Variants in TREM1 observed in about 807,000 individuals in gnomAD.
TREM1 encodes triggering receptor expressed on myeloid cells 1, also known as triggering receptor expressed on monocytes 1.
A neutral mutation model predicts 22.4 loss-of-function variants in TREM1; 16 were observed. The ratio of observed to expected loss-of-function variants is 0.71; its 90% CI spans 0.48 to 1.08. The LOEUF (loss-of-function observed/expected upper bound fraction) is 1.08. TREM1 is among the 50% of genes least tolerant of loss of function. TREM1 has a pLI of 0.00. For synonymous variants in TREM1, 110 were observed against 111.6 expected (o/e 0.99, Z 0.09); for missense variants, 283 against 282.9 (o/e 1.00, Z 0.00).
downstream of TREM1, among the ~76,000 whole-genome samples, chr6:41,272,523 G>GACAT (rs1767512870): frequency 6.6e-6 from 1 of 152,164 alleles, no homozygotes; most frequent in African/African-American, 2.4e-5. Flanking sequence ...AAGTGTGGCA[G>GACAT]ACATACACAC....
At position 41,274,488 on chromosome 6, in the gene TREM1, C is replaced by A. The variant is rs1009966012; in HGVS notation, c.*1637G>T. Reference sequence around the variant, plus strand: ...AAGTGTGGGGTTCCAGACCAGCAAGCTCAGCATTATTATAAACACTGCATC... The same window carrying A: ...AAGTGTGGGGTTCCAGACCAGCAAGATCAGCATTATTATAAACACTGCATC... On this transcript the variant is annotated 3_prime_UTR_variant, in exon 4 of 4. Coordinates refer to ENST00000244709, the MANE Select transcript of TREM1 (RefSeq NM_018643.5). Among the ~76,000 whole-genome samples, 1 of 152,170 alleles carries A rather than the reference C, an allele frequency of 6.6e-6. No homozygotes were observed. Among genetic ancestry groups the A allele is most frequent in the Non-Finnish European group, 1.5e-5 (1 of 68,032 alleles).
rs200169334 is a variant in TREM1, at chr6:41,282,527, C to G, written c.274G>C (p.Asp92His). The G allele has an allele frequency of 1.2e-4, 199 of 1,614,048 alleles. No individual in the cohort carries two copies. Among genetic ancestry groups the G allele is most frequent in the Non-Finnish European group, 1.6e-4 (192 of 1,180,046 alleles). Residue 92 changes from aspartate to histidine, a missense_variant, in exon 2 of 4, where the codon GAT becomes CAT. Coordinates refer to ENST00000244709, the MANE Select transcript of TREM1 (RefSeq NM_018643.5). The part of the protein sequence containing the change: ...VGRIILEDYH[D>H]HGLLRVRMVN... Reference sequence around the variant, plus strand: ...ATTCGGACGCGCAGTAAACCATGATCATGGTAGTCTTCTAGTATGATCCTC... The same window carrying G: ...ATTCGGACGCGCAGTAAACCATGATGATGGTAGTCTTCTAGTATGATCCTC...
chr6:41,276,392 C>T (rs551872082), intron 3 of TREM1, among the ~76,000 whole-genome samples, 162 bp from the exon 4 acceptor site: 1 of 152,252 alleles, frequency 6.6e-6, no homozygotes, highest in Admixed American at 6.5e-5. Context: ...GTCTCATTGC[C>T]AAAAACTACT....
Position 41,281,278 on chromosome 6 carries a change from C to T in TREM1, c.407-125G>A, listed in dbSNP as rs138440638. ...TGAGTTGATGGACGGGTAGGTGGTACGGTAAATGAAGCTGAGGAGGGAAAT... is the reference window on the plus strand; with the variant it reads ...TGAGTTGATGGACGGGTAGGTGGTATGGTAAATGAAGCTGAGGAGGGAAAT... On this transcript the variant is annotated intron_variant, in intron 2 of 3. Coordinates refer to ENST00000244709, the MANE Select transcript of TREM1 (RefSeq NM_018643.5). The T allele has an allele frequency of 1.2e-3, 1,396 of 1,134,560 alleles. 8 individuals carry two copies. The African/African-American group carries it at 0.016, about 13-fold the overall frequency. 70.3% of individuals were successfully genotyped at this position (1,134,560 alleles called of 1,614,324 possible). A position where few individuals can be genotyped will look rare whatever the true frequency, so the allele number is the denominator to read the frequency against.
chr6:41,281,079 C>A lies in TREM1; in HGVS notation c.481G>T (p.Ala161Ser). Residue 161 changes from alanine (A) to serine (S), a missense_variant, in exon 3 of 4, where the codon GCC (alanine) becomes TCC (serine). Physicochemically the swap from Ala to Ser is moderately conservative, Grantham distance 99 (BLOSUM62 1). Coordinates refer to ENST00000244709, the MANE Select transcript of TREM1 (RefSeq NM_018643.5). ...GGGCTGGTATAGAGTGGGCACAAGG[C>A]CTTAGTGGTGGTAGGAGGAATCTTA... Reference protein sequence around the residue: ...VYKIPPTTTKALCPLYTSPRT... With the variant: ...VYKIPPTTTKSLCPLYTSPRT... The A allele has an allele frequency of 6.2e-7, 1 of 1,614,164 alleles. No homozygotes were observed. Among genetic ancestry groups the A allele is most frequent in the Non-Finnish European group, 8.5e-7 (1 of 1,180,038 alleles).
In TREM1 at chr6:41,274,989, C is replaced by T. The variant is rs1767609002; in HGVS notation, c.*1136G>A. Among the ~76,000 whole-genome samples, 1 of 151,850 alleles carries T rather than the reference C, an allele frequency of 6.6e-6. No homozygotes were observed. On this transcript the variant is annotated 3_prime_UTR_variant, in exon 4 of 4. Transcript: ENST00000244709. ...ATGAGGCCCATTTCCCTTTAAAGCT[C>T]AAAGTAGGAAATAACAAAATCCTGA...
At chr6:41,278,115 G>A (rs917679824) in intron 3 of TREM1, among the ~76,000 whole-genome samples, 13 of 151,074 alleles carry the variant, frequency 8.6e-5, no homozygotes, top group African/African-American at 2.7e-4. Context: ...TTGTAAAGAC[G>A]GAGTCTTGCT....
rs759850729 is a variant in TREM1, at chr6:41,282,579, T to C, written c.222A>G (p.Ser74=). ...CCACTTGGACTGGATGGGAATTCTT[T>C]GAAGGCCTCTCTGTGCATGCCAGGG... ...PKTLACTERP[S]KNSHPVQVGR... is the part of the protein sequence containing the mutation. Residue 74 remains serine, a synonymous_variant, in exon 2 of 4, where the codon TCA becomes TCG. Transcript: ENST00000244709. 1.2e-6 allele frequency: 2 copies of C among 1,614,114 alleles called. No homozygotes were observed. Among genetic ancestry groups the C allele is most frequent in the Non-Finnish European group, 1.7e-6 (2 of 1,180,050 alleles).
chr6:41,276,316 C>A, intron 3 of TREM1, 86 bp from the exon 4 acceptor site: 2 of 924,988 alleles, frequency 2.2e-6, no homozygotes, highest in Admixed American at 1.9e-5. Flanking sequence ...CTTCATGTCC[C>A]ACTCTCCTCT....
intron 3 of TREM1, 125 bp downstream of exon 3, chr6:41,280,836 T>G: frequency 2.6e-6 from 4 of 1,533,406 alleles, no homozygotes; most frequent in Non-Finnish European, 3.5e-6. Context: ...CCCAGACTAA[T>G]GTGACTCAAG....
At chr6:41,273,593 C>A (rs981008749), downstream of TREM1, among the ~76,000 whole-genome samples, 1 of 152,230 alleles carries the variant, frequency 6.6e-6, no homozygotes, top group Non-Finnish European at 1.5e-5. Context: ...CAAGACACCG[C>A]TGGCTCATTG....
chr6:41,273,300 C>A (rs1767538618), downstream of TREM1, among the ~76,000 whole-genome samples: 1 of 152,342 alleles, frequency 6.6e-6, no homozygotes, highest in East Asian at 1.9e-4. Flanking sequence ...ATCCCCCAGC[C>A]TCTCATCAAC....
intron 3 of TREM1, chr6:41,279,514 G>GAA (rs200624147): frequency 3.6e-6 from 3 of 823,258 alleles, no homozygotes; most frequent in African/African-American, 1.9e-5. Context: ...GAAAGTAGAG[G>GAA]AAAAAAAAAA....
rs751576732 is a variant in TREM1, at chr6:41,282,595, C to T, written c.206G>A (p.Cys69Tyr). The T allele has an allele frequency of 6.2e-7, 1 of 1,614,230 alleles. No homozygotes were observed. Among genetic ancestry groups the T allele is most frequent in the Non-Finnish European group, 8.5e-7 (1 of 1,180,034 alleles). ...GGAATTCTTTGAAGGCCTCTCTGTGCATGCCAGGGTCTTGGGCATCTCTCC... is the reference window on the plus strand; with the variant it reads ...GGAATTCTTTGAAGGCCTCTCTGTGTATGCCAGGGTCTTGGGCATCTCTCC... ...RDGEMPKTLACTERPSKNSHP... is the reference protein window; with the variant it reads ...RDGEMPKTLAYTERPSKNSHP... The change falls in exon 2 of 4, where the codon TGC becomes TAC. Residue 69 changes from cysteine (C) to tyrosine (Y), a missense_variant. Physicochemically the swap from Cys to Tyr is radical, Grantham distance 194. Transcript: ENST00000244709.
At chr6:41,272,583 C>A (rs1192278618), downstream of TREM1, among the ~76,000 whole-genome samples, 1 of 152,110 alleles carries the variant, frequency 6.6e-6, no homozygotes, top group African/African-American at 2.4e-5. Flanking sequence ...GGAAGGGACC[C>A]AGGAATCTGT....
chr6:41,280,415 CAAT>C, intron 3 of TREM1: 1 of 991,472 alleles, frequency 1.0e-6, no homozygotes. Context: ...GCACATGCAA[CAAT>C]GTTATTTAAA....
chr6:41,285,009 G>T (rs1309826441), intron 1 of TREM1, among the ~76,000 whole-genome samples: 1 of 152,212 alleles, frequency 6.6e-6, no homozygotes, highest in African/African-American at 2.4e-5. Context: ...GACTGGCTGG[G>T]AGACTTCTCT....
chr6:41,279,543 A>G (rs1446373357), intron 3 of TREM1: 1 of 985,308 alleles, frequency 1.0e-6, no homozygotes, highest in Non-Finnish European at 1.2e-6. Flanking sequence ...TTAGTAGATC[A>G]TTCGTTTGAT....
At chr6:41,268,785 C>T (rs996414845), downstream of TREM1, among the ~76,000 whole-genome samples, 1 of 152,112 alleles carries the variant, frequency 6.6e-6, no homozygotes, top group African/African-American at 2.4e-5. Context: ...AACAAAGAGG[C>T]AATAAGACCA....
Sources: allele counts gnomAD v4.1 joint callset (sites outside exome capture counted in the v4.1 genomes callset), GRCh38; gene constraint gnomAD v4.1.1; transcripts MANE v1.5; gene names NCBI Gene and HGNC (gene_info 2026-07-23, HGNC 2026-07-21).